The following WRN variants were observed in gnomAD, a reference collection of about 807,000 sequenced individuals.
The protein encoded by WRN is WRN RecQ like helicase, also known as bifunctional 3'-5' exonuclease/ATP-dependent helicase WRN.
In WRN, 149 loss-of-function variants were observed where a neutral mutation model predicts 180.7. The ratio of observed to expected loss-of-function variants is 0.82; its 90% CI spans 0.72 to 0.94. WRN has a LOEUF of 0.94. Among genes scored for constraint, WRN ranks in the 40% least tolerant of loss-of-function variants. The pLI, the probability that WRN is intolerant of heterozygous loss-of-function variation, is 0.00. For missense variants in WRN, 1,661 were observed against 1,700.1 expected (o/e 0.98, Z 0.40); for synonymous variants, 548 against 568.9 (o/e 0.96, Z 0.52).
intron 28 of WRN, among the ~76,000 whole-genome samples, chr8:31,144,094 T>A (rs1330660437): frequency 1.1e-4 from 17 of 152,210 alleles, no homozygotes. Context: ...GTGCCTGGCT[T>A]TATTGTGACT....
At chr8:31,089,280 A>G (rs1170634755) in intron 13 of WRN, among the ~76,000 whole-genome samples, 6 of 152,030 alleles carry the variant, frequency 3.9e-5, no homozygotes, top group African/African-American at 7.2e-5. Context: ...ACGAGTGTCT[A>G]TGTGCCTGTT....
Position 31,142,675 on chromosome 8 carries a change from C to T in WRN, c.3283C>T (p.Pro1095Ser), listed in dbSNP as rs779724704. ...GTKEHCYNQVPVELSTEKKSN... is the reference protein window; with the variant it reads ...GTKEHCYNQVSVELSTEKKSN... The stretch of plus-strand genomic sequence containing the variant: ...CAAAGAGCATTGTTATAATCAAGTA[C>T]CAGTTGAATTAAGTACAGAGAAGAA... The change falls in exon 27 of 35, where the codon CCA (proline) becomes TCA (serine). Residue 1095 changes from proline (P) to serine (S), a missense_variant. Transcript: ENST00000298139. The T allele has an allele frequency of 6.9e-6, 11 of 1,603,842 alleles. No individual in the cohort carries two copies. Among genetic ancestry groups the T allele is most frequent in the Non-Finnish European group, 9.4e-6 (11 of 1,175,138 alleles).
At chr8:31,112,807 C>G (rs1307152533) in intron 19 of WRN, among the ~76,000 whole-genome samples, 2 of 152,042 alleles carry the variant, frequency 1.3e-5, no homozygotes, top group East Asian at 3.9e-4. Flanking sequence ...AGGCTGATCT[C>G]GAACTCCTGA....
intron 24 of WRN, among the ~76,000 whole-genome samples, chr8:31,133,147 G>A (rs1007336549): frequency 9.2e-5 from 14 of 152,254 alleles, no homozygotes; most frequent in African/African-American, 3.4e-4. Context: ...CAGTCCAAGA[G>A]CTTGTTCTGT....
Position 31,174,145 on chromosome 8 carries a change from T to C in WRN, c.*1043T>C, listed in dbSNP as rs1184108663. 1.3e-5 allele frequency among the ~76,000 whole-genome samples: 2 copies of C among 152,214 alleles called. No individual in the cohort carries two copies. The highest frequency in any genetic ancestry group is 2.9e-5 in the Non-Finnish European group (2 of 68,030). On this transcript the variant is annotated 3_prime_UTR_variant, in exon 35 of 35. Transcript: ENST00000298139. The stretch of plus-strand genomic sequence containing the variant: ...TATTCATTTGTTTTTAGTTAAAATA[T>C]AAAAGTCTCGTATATTCCCATTTTT...
At chr8:31,132,833 G>C (rs995596695) in intron 24 of WRN, among the ~76,000 whole-genome samples, 10 of 152,148 alleles carry the variant, frequency 6.6e-5, no homozygotes, top group African/African-American at 2.4e-4. Flanking sequence ...AACTTTCATT[G>C]TATCAAGGGA....
At chr8:31,073,505 T>C (rs1585418608) in intron 7 of WRN, among the ~76,000 whole-genome samples, 1 of 152,190 alleles carries the variant, frequency 6.6e-6, no homozygotes, top group East Asian at 1.9e-4. Context: ...AAGTTTTAGA[T>C]GATTATTGAT....
chr8:31,086,418 A>T (rs1247547840), intron 11 of WRN, among the ~76,000 whole-genome samples: 2 of 151,988 alleles, frequency 1.3e-5, no homozygotes, highest in Non-Finnish European at 2.9e-5. Flanking sequence ...CCAGAAAAAT[A>T]CAAGAATTGG....
chr8:31,038,968 G>T (rs894775028), intron 1 of WRN, among the ~76,000 whole-genome samples: 1 of 152,128 alleles, frequency 6.6e-6, no homozygotes, highest in Non-Finnish European at 1.5e-5. Flanking sequence ...ACACTGTTTT[G>T]ATTACAGTAG....
chr8:31,097,766 G>A (rs1474333360), intron 17 of WRN, among the ~76,000 whole-genome samples: 1 of 151,898 alleles, frequency 6.6e-6, no homozygotes, highest in Non-Finnish European at 1.5e-5. Flanking sequence ...GCAACAGAGC[G>A]AGACCATGCC....
Position 31,173,301 on chromosome 8 carries a change from G to A in WRN, c.*199G>A. ...CTGGGTCTTCTGGGAGCCTACGTGA[G>A]TACATCACCTAACAGAATATTAAAT... On this transcript the variant is annotated 3_prime_UTR_variant, in exon 35 of 35. Transcript: ENST00000298139. 1.7e-6 allele frequency: 1 copy of A among 582,586 alleles called. No homozygotes were observed. The highest frequency in any genetic ancestry group is 3.0e-6 in the Non-Finnish European group (1 of 328,286). The allele number at this position is 582,586 out of a possible 1,614,324, so 36.1% of individuals were successfully genotyped here.
At chr8:31,110,885 T>C (rs1047110971) in intron 18 of WRN, among the ~76,000 whole-genome samples, 2 of 152,126 alleles carry the variant, frequency 1.3e-5, no homozygotes, top group Non-Finnish European at 2.9e-5. Flanking sequence ...CGAGTTCTAG[T>C]TTTAGGGGAG....
rs386724139 is a variant in WRN, at chr8:31,143,056, TTC to T, written c.3309+372_3309+373del. Reference sequence around the variant, plus strand: ...ACACACACACACACACACACACACATTCTCTCTCTCTCTCTCTCACACACACA... The same window carrying T: ...ACACACACACACACACACACACACATTCTCTCTCTCTCTCTCACACACACA... On this transcript the variant is annotated intron_variant, in intron 27 of 34. Transcript: ENST00000298139. Among the ~76,000 whole-genome samples the T allele has an allele frequency of 1.5e-3, 171 of 115,632 alleles. 2 individuals carry two copies. Among genetic ancestry groups the T allele is most frequent in the African/African-American group, 5.1e-4 (15 of 29,664 alleles). The allele number at this position is 115,632 out of a possible 152,430, so 75.9% of individuals were successfully genotyped here.
intron 21 of WRN, among the ~76,000 whole-genome samples, chr8:31,121,146 T>C (rs546852818): frequency 3.3e-5 from 5 of 152,002 alleles, no homozygotes; most frequent in Non-Finnish European, 7.4e-5. Flanking sequence ...ACCAATACTT[T>C]GTTCCTTCAT....
intron 30 of WRN, among the ~76,000 whole-genome samples, chr8:31,148,668 A>G (rs2130446106): frequency 6.6e-6 from 1 of 152,346 alleles, no homozygotes; most frequent in African/African-American, 2.4e-5. Flanking sequence ...TGTAAAGACT[A>G]TGAGAAGGTC....
chr8:31,065,844 G>T (rs1812674050), intron 5 of WRN, among the ~76,000 whole-genome samples: 1 of 149,476 alleles, frequency 6.7e-6, no homozygotes, highest in Non-Finnish European at 1.5e-5. Context: ...AAAGCCTTTA[G>T]TTCTAATCCA....
At chr8:31,063,408 G>T (rs1317057499) in intron 3 of WRN, among the ~76,000 whole-genome samples, 1 of 152,226 alleles carries the variant, frequency 6.6e-6, no homozygotes, top group East Asian at 1.9e-4. Flanking sequence ...TTGCCAGTAG[G>T]AACAGTGTTG....
intron 1 of WRN, among the ~76,000 whole-genome samples, chr8:31,038,961 C>A (rs13268359): frequency 0.11 from 16,699 of 152,190 alleles, 1,133 homozygotes; most frequent in African/African-American, 0.19. Flanking sequence ...CTGTACCACA[C>A]TGTTTTGATT....
intron 24 of WRN, among the ~76,000 whole-genome samples, chr8:31,133,970 C>T (rs1285146942): frequency 6.6e-6 from 1 of 152,130 alleles, no homozygotes; most frequent in African/African-American, 2.4e-5. Context: ...TCAGATTTCA[C>T]CTATTAAAAA....
Sources: allele counts gnomAD v4.1 joint callset (sites outside exome capture counted in the v4.1 genomes callset), GRCh38; gene constraint gnomAD v4.1.1; transcripts MANE v1.5; gene names NCBI Gene and HGNC (gene_info 2026-07-23, HGNC 2026-07-21).